The following NRG1 variants were observed in gnomAD, a reference collection of about 807,000 sequenced individuals.
NRG1 encodes the protein pro-neuregulin-1, membrane-bound isoform.
A neutral mutation model predicts 63.8 loss-of-function variants in NRG1; 18 were observed. That is an observed-to-expected ratio of 0.28 (90% confidence interval 0.19 to 0.42). The LOEUF is 0.42. NRG1 is among the 10% of genes least tolerant of loss of function. The pLI, the probability that NRG1 is intolerant of heterozygous loss-of-function variation, is 1.00. For missense variants in NRG1, 762 were observed against 814.7 expected (o/e 0.94, Z 0.79); for synonymous variants, 302 against 301.3 (o/e 1.00, Z -0.02).
chr8:31,823,471 AT>A (rs1354039422), intron 1 of NRG1, among the ~76,000 whole-genome samples: 4 of 152,102 alleles, frequency 2.6e-5, no homozygotes, highest in Middle Eastern at 3.4e-3. Context: ...ATTATACCAC[AT>A]TTATTGGAAG....
intron 1 of NRG1, among the ~76,000 whole-genome samples, chr8:32,574,070 G>C (rs1404825823): frequency 6.6e-6 from 1 of 152,140 alleles, no homozygotes; most frequent in Non-Finnish European, 1.5e-5. Context: ...CATTTGGGTT[G>C]GTGCCAAGTC....
intron 1 of NRG1, among the ~76,000 whole-genome samples, chr8:32,222,076 CTT>C (rs1845883028): frequency 6.6e-6 from 1 of 151,698 alleles, no homozygotes; most frequent in South Asian, 2.1e-4. Context: ...TGCACACACA[CTT>C]TTTCCAGGCC....
chr8:31,653,657 C>T (rs1159118947), intron 1 of NRG1, among the ~76,000 whole-genome samples: 1 of 152,146 alleles, frequency 6.6e-6, no homozygotes, highest in Non-Finnish European at 1.5e-5. Context: ...TGAAAGGCAT[C>T]TATGTGTGTA....
intron 1 of NRG1, among the ~76,000 whole-genome samples, chr8:32,280,950 G>A (rs1424766224): frequency 4.0e-5 from 6 of 149,998 alleles, no homozygotes; most frequent in South Asian, 2.1e-4. Flanking sequence ...TAGTAGAGAC[G>A]GGGTTTCACC....
intron 1 of NRG1, among the ~76,000 whole-genome samples, chr8:32,294,255 A>T (rs1854579341): frequency 6.6e-6 from 1 of 152,020 alleles, no homozygotes; most frequent in South Asian, 2.1e-4. Context: ...TGGGCAGAAA[A>T]CGCATTTTAG....
chr8:31,639,337 G>A (rs987320814), exon 1 of NRG1: 3 of 1,531,190 alleles, frequency 2.0e-6, no homozygotes, highest in African/African-American at 2.7e-5. Context: ...GGAGGCGCGC[G>A]GGGACGGGGA....
At chr8:32,047,816 G>A (rs1821254301) in intron 1 of NRG1, among the ~76,000 whole-genome samples, 1 of 151,222 alleles carries the variant, frequency 6.6e-6, no homozygotes, top group South Asian at 2.1e-4. Context: ...AGAATACAAT[G>A]TATCATTAAT....
At chr8:32,346,383 CA>C (rs1804896987) in intron 1 of NRG1, among the ~76,000 whole-genome samples, 2 of 150,818 alleles carry the variant, frequency 1.3e-5, no homozygotes, top group Admixed American at 1.3e-4. Context: ...ATCTGTTGAC[CA>C]AAACAAATCA....
chr8:32,337,065 A>G (rs1051911498), intron 1 of NRG1, among the ~76,000 whole-genome samples: 5 of 152,122 alleles, frequency 3.3e-5, no homozygotes, highest in Admixed American at 2.0e-4. Context: ...GTTGGAGTAC[A>G]GTGGTATAAT....
At chr8:31,942,065 A>T (rs1236363881) in intron 1 of NRG1, among the ~76,000 whole-genome samples, 1 of 152,188 alleles carries the variant, frequency 6.6e-6, no homozygotes, top group Non-Finnish European at 1.5e-5. Context: ...GAACAAAAAA[A>T]GAGCCTGCAT....
Position 31,640,612 on chromosome 8 carries a change from G to A in NRG1, c.37+1181G>A, listed in dbSNP as rs778215426. ...GGACAGCAGGTACATCTTCTTCATG[G>A]AGCCCGACGCCAACAGCACCAGCCG... On this transcript the variant is annotated intron_variant, in intron 1 of 10. Coordinates refer to the NRG1 transcript ENST00000519301. The surrounding 1 kb of genome is among the most constrained non-coding windows in gnomAD (Gnocchi z 6.3). 7 of 1,611,868 alleles carry A rather than the reference G, an allele frequency of 4.3e-6. No individual in the cohort carries two copies. The highest frequency in any genetic ancestry group is 4.0e-5 in the African/African-American group (3 of 74,854).
At chr8:31,921,839 A>T (rs1282264080) in intron 1 of NRG1, among the ~76,000 whole-genome samples, 1 of 152,200 alleles carries the variant, frequency 6.6e-6, no homozygotes, top group Non-Finnish European at 1.5e-5. Flanking sequence ...TTTCCACATC[A>T]TCTAAACCCT....
intron 1 of NRG1, among the ~76,000 whole-genome samples, chr8:31,821,472 T>C (rs539479126): frequency 1.3e-5 from 2 of 152,214 alleles, no homozygotes; most frequent in Non-Finnish European, 2.9e-5. Context: ...ACTCCCACTT[T>C]GGCTGAGTTT....
At chr8:32,061,042 A>G (rs1286064598) in intron 1 of NRG1, among the ~76,000 whole-genome samples, 3 of 151,914 alleles carry the variant, frequency 2.0e-5, no homozygotes, top group Admixed American at 6.6e-5. Flanking sequence ...GTGTTCTGCT[A>G]AACTATTATA....
At chr8:31,649,924 C>T (rs999009380) in intron 1 of NRG1, among the ~76,000 whole-genome samples, 1 of 152,138 alleles carries the variant, frequency 6.6e-6, no homozygotes, top group Non-Finnish European at 1.5e-5. Flanking sequence ...TGTCCATTGC[C>T]CCAATCCCCT....
intron 3 of NRG1, among the ~76,000 whole-genome samples, chr8:32,610,291 G>T (rs1423801925): frequency 6.6e-6 from 1 of 151,946 alleles, no homozygotes; most frequent in African/African-American, 2.4e-5. Context: ...GTTACTTTTT[G>T]TATGTTCCAA....
chr8:32,728,548 A>G (rs921213016), intron 6 of NRG1: 15 of 985,186 alleles, frequency 1.5e-5, no homozygotes, highest in African/African-American at 1.7e-5. Flanking sequence ...ACATATATCT[A>G]TTACACTTGG....
chr8:32,709,912 T>A (rs1019705630), intron 5 of NRG1, among the ~76,000 whole-genome samples: 1 of 152,210 alleles, frequency 6.6e-6, no homozygotes, highest in Non-Finnish European at 1.5e-5. Context: ...GTTCTTCCAA[T>A]TTTGCAGTTA....
At chr8:32,382,027 A>G (rs1280675458) in intron 1 of NRG1, among the ~76,000 whole-genome samples, 1 of 152,194 alleles carries the variant, frequency 6.6e-6, no homozygotes, top group Non-Finnish European at 1.5e-5. Context: ...CATGAATGAG[A>G]TGATAACAAT....
Sources: allele counts gnomAD v4.1 joint callset (sites outside exome capture counted in the v4.1 genomes callset), GRCh38; gene constraint gnomAD v4.1.1; non-coding constraint Gnocchi (gnomAD v3.1); transcripts MANE v1.5; gene names NCBI Gene and HGNC (gene_info 2026-07-23, HGNC 2026-07-21).